WDFY4: variants seen among roughly 807,000 people sequenced by gnomAD.
WDFY4 encodes WD repeat- and FYVE domain-containing protein 4.
In WDFY4, 169 loss-of-function variants were observed where a neutral mutation model predicts 351.9. The ratio of observed to expected loss-of-function variants is 0.48; its 90% CI spans 0.42 to 0.55. The LOEUF is 0.55. WDFY4 is among the 20% of genes least tolerant of loss of function. The probability of loss-of-function intolerance (pLI) is 0.00; values close to 1 mark genes in which losing one functional copy is unlikely to be tolerated. For synonymous variants in WDFY4, 1,622 were observed against 1,574.6 expected (o/e 1.03, Z -0.71); for missense variants, 3,803 against 3,935.6 (o/e 0.97, Z 0.90).
At chr10:48,910,078 T>C in intron 47 of WDFY4, 1 of 661,164 alleles carries the variant, frequency 1.5e-6, no homozygotes, top group Non-Finnish European at 2.8e-6. Flanking sequence ...GGAGGTGAAG[T>C]GAATTTGAGA....
chr10:48,938,855 G>C (rs1344633305), intron 47 of WDFY4, among the ~76,000 whole-genome samples: 1 of 152,228 alleles, frequency 6.6e-6, no homozygotes, highest in African/African-American at 2.4e-5. Context: ...ATCCAGTAGA[G>C]GTGGACACCT....
At chr10:48,934,728 CGAA>C (rs1564507295) in intron 47 of WDFY4, among the ~76,000 whole-genome samples, 2 of 152,180 alleles carry the variant, frequency 1.3e-5, no homozygotes, top group African/African-American at 4.8e-5. Flanking sequence ...CCCTCCTGAA[CGAA>C]GAAGCAGTCA....
chr10:48,876,603 GT>G (rs11343936), intron 42 of WDFY4, among the ~76,000 whole-genome samples: 57,430 of 151,990 alleles, frequency 0.38, 11,211 homozygotes, highest in East Asian at 0.71. Flanking sequence ...TCTTTTCCAA[GT>G]TTTTTTTACA....
chr10:48,889,146 A>G (rs1165117494), intron 43 of WDFY4, among the ~76,000 whole-genome samples: 1 of 152,216 alleles, frequency 6.6e-6, no homozygotes, highest in Non-Finnish European at 1.5e-5. Flanking sequence ...CTGACAAGGT[A>G]GATTCAGAAT....
At chr10:48,974,516 A>AAAAACAAAAAAAAAAC (rs1842467071) in intron 57 of WDFY4, among the ~76,000 whole-genome samples, 2 of 16,332 alleles carry the variant, frequency 1.2e-4, no homozygotes, top group African/African-American at 1.7e-4. Context: ...AAAAAAAAAA[A>AAAAACAAAAAAAAAAC]AAAAAAAAAA....
rs1437613708 is a variant in WDFY4 at position 48,725,937 on chromosome 10, T to G, written c.648T>G (p.Ser216Arg). Residue 216 changes from serine to arginine, a missense_variant, in exon 6 of 62, where the codon AGT (serine) becomes AGG (arginine). By Grantham distance (110) the Ser-to-Arg change is moderately radical (BLOSUM62 -1). Coordinates refer to ENST00000325239, the MANE Select transcript of WDFY4 (RefSeq NM_001394531.1). ...GCCTGGAGGGACTCCTCTCAGGAAG[T>G]GAGCTGCAGTCTCTGCTGATTGCCA... ...SQGLEGLLSGSELQSLLIATT... is the reference protein window; with the variant it reads ...SQGLEGLLSGRELQSLLIATT... 2.6e-6 allele frequency: 4 copies of G among 1,551,602 alleles called. No homozygotes were observed. In the Admixed American group the frequency reaches 7.8e-5, roughly 30 times the overall value.
intron 47 of WDFY4, among the ~76,000 whole-genome samples, chr10:48,914,953 C>A (rs957437370): frequency 2.0e-5 from 3 of 152,180 alleles, no homozygotes; most frequent in Non-Finnish European, 2.9e-5. Flanking sequence ...CACTGGACTT[C>A]AACTCCTCTG....
chr10:48,748,455 A>G (rs11101453), intron 12 of WDFY4, among the ~76,000 whole-genome samples: 1,563 of 152,266 alleles, frequency 0.01, 24 homozygotes, highest in African/African-American at 0.035. Context: ...GCGTGCGTGT[A>G]TGTGCACACA....
Position 48,813,902 on chromosome 10 carries a change from C to A in WDFY4, c.5215-55C>A, listed in dbSNP as rs185677301. ...AACATGATGAACTGGCTGCAAAGCT[C>A]GTTCTCTTGGTGAGTAGCCGCAGGT... On this transcript the variant is annotated intron_variant, in intron 30 of 61. Transcript: ENST00000325239. 31 of 1,434,976 alleles carry A rather than the reference C, an allele frequency of 2.2e-5. No homozygotes were observed. In the South Asian group the frequency reaches 3.9e-4, roughly 18 times the overall value. The allele number at this position is 1,434,976 out of a possible 1,614,324, so 88.9% of individuals were successfully genotyped here.
At chr10:48,736,138 A>C (rs891490966) in intron 11 of WDFY4, 68 bp downstream of exon 11, 49 of 1,530,600 alleles carry the variant, frequency 3.2e-5, no homozygotes, top group Non-Finnish European at 4.3e-5. Flanking sequence ...ACATTTGCTC[A>C]GGCATTTGTA....
intron 18 of WDFY4, among the ~76,000 whole-genome samples, chr10:48,779,620 C>A (rs1185380186): frequency 6.6e-6 from 1 of 152,188 alleles, no homozygotes; most frequent in East Asian, 1.9e-4. Flanking sequence ...GGGTTTGAAT[C>A]CTGGCTGTAT....
In WDFY4 at chr10:48,823,096, G is replaced by A. The variant is rs932975982; in HGVS notation, c.5982+559G>A. On this transcript the variant is annotated intron_variant, in intron 35 of 61. Coordinates refer to ENST00000325239, the MANE Select transcript of WDFY4 (RefSeq NM_001394531.1). ...CCTGTAGGGCCATCATTGAATGTAG[G>A]TGTATGTATGTGCATGCATATACAC... 8.0e-5 allele frequency: 101 copies of A among 1,264,994 alleles called. No homozygotes were observed. In the Middle Eastern group the frequency reaches 8.6e-4, roughly 11 times the overall value. The allele number at this position is 1,264,994 out of a possible 1,614,324, so 78.4% of individuals were successfully genotyped here.
At chr10:48,922,767 C>A (rs190551570) in intron 47 of WDFY4, among the ~76,000 whole-genome samples, 3 of 152,158 alleles carry the variant, frequency 2.0e-5, no homozygotes, top group African/African-American at 7.2e-5. Context: ...AAGCATTTTG[C>A]CTAATAAAAA....
At chr10:48,839,922 C>T (rs1352554658) in intron 39 of WDFY4, among the ~76,000 whole-genome samples, 2 of 152,208 alleles carry the variant, frequency 1.3e-5, no homozygotes, top group Non-Finnish European at 2.9e-5. Context: ...TTGTGGTGGG[C>T]AATGCTGCCA....
chr10:48,818,603 G>A (rs1016200496), intron 32 of WDFY4, among the ~76,000 whole-genome samples: 13 of 152,138 alleles, frequency 8.5e-5, no homozygotes, highest in African/African-American at 2.7e-4. Context: ...AACAAGAGAC[G>A]GAGCCAAAGT....
At chr10:48,845,912 C>T (rs968518962) in intron 39 of WDFY4, among the ~76,000 whole-genome samples, 2 of 152,190 alleles carry the variant, frequency 1.3e-5, no homozygotes, top group Non-Finnish European at 2.9e-5. Context: ...AGGGTACATG[C>T]ATCCATTCCT....
At chr10:48,769,977 C>A (rs563743947) in intron 13 of WDFY4, among the ~76,000 whole-genome samples, 1 of 152,234 alleles carries the variant, frequency 6.6e-6, no homozygotes, top group Non-Finnish European at 1.5e-5. Flanking sequence ...ACCTCCATCC[C>A]GTCTCCTGCG....
intron 35 of WDFY4, chr10:48,824,035 T>C (rs1777367766): frequency 1.1e-5 from 11 of 985,478 alleles, no homozygotes; most frequent in Non-Finnish European, 1.3e-5. Flanking sequence ...CTTTGTATTA[T>C]GGATTCTTTT....
At chr10:48,787,807 C>CTTCTTCTTCTTCTTCTTCT (rs1555010320) in intron 20 of WDFY4, among the ~76,000 whole-genome samples, 16 of 76,742 alleles carry the variant, frequency 2.1e-4, no homozygotes, top group East Asian at 1.3e-3. Context: ...CCTCCTCCTC[C>CTTCTTCTTCTTCTTCTTCT]TCTTCTTCTT....
Sources: allele counts gnomAD v4.1 joint callset (sites outside exome capture counted in the v4.1 genomes callset), GRCh38; gene constraint gnomAD v4.1.1; transcripts MANE v1.5; gene names NCBI Gene and HGNC (gene_info 2026-07-23, HGNC 2026-07-21).